The following MAML3 variants were observed in gnomAD, a reference collection of about 807,000 sequenced individuals.
MAML3 encodes mastermind like transcriptional coactivator 3.
In MAML3, 27 loss-of-function variants were observed where a neutral mutation model predicts 101.9. That is an observed-to-expected ratio of 0.27 (90% CI 0.20 to 0.37). The LOEUF (loss-of-function observed/expected upper bound fraction) is 0.37, where lower values mean the gene tolerates loss of function less well. Ranked by LOEUF, MAML3 falls within the 10% of genes least tolerant of loss-of-function variation. The probability of loss-of-function intolerance (pLI) is 1.00; values close to 1 mark genes in which losing one functional copy is unlikely to be tolerated. For missense variants in MAML3, 1,316 were observed against 1,444.9 expected (o/e 0.91, Z 1.45); for synonymous variants, 501 against 555.9 (o/e 0.90, Z 1.39).
intron 2 of MAML3, among the ~76,000 whole-genome samples, chr4:139,766,688 G>T (rs376827352): frequency 6.6e-6 from 1 of 152,154 alleles, no homozygotes; most frequent in African/African-American, 2.4e-5. Flanking sequence ...CTCCAAGTCC[G>T]CCATTTCCTT....
chr4:139,838,800 C>T (rs924392504), intron 2 of MAML3, among the ~76,000 whole-genome samples: 4 of 152,108 alleles, frequency 2.6e-5, no homozygotes, highest in Admixed American at 6.5e-5. Flanking sequence ...CTATAAAACA[C>T]GCACTGCCAC....
rs565990989 is a variant in MAML3, at chr4:139,797,303, G to A, written c.2080-66636C>T. Among the ~76,000 whole-genome samples the A allele has an allele frequency of 2.0e-5, 3 of 152,280 alleles. No homozygotes were observed. The East Asian group carries it at 5.8e-4, about 29-fold the overall frequency. On this transcript the variant is annotated intron_variant, in intron 2 of 4. Transcript: ENST00000509479. ...CCATCTGAGCGAACATGTCAGCAGG[G>A]TCATGCTACATATAGGATGTGGGGT...
intron 2 of MAML3, among the ~76,000 whole-genome samples, chr4:139,758,497 C>T (rs138432277): frequency 6.0e-4 from 92 of 152,300 alleles, no homozygotes; most frequent in African/African-American, 2.1e-3. Flanking sequence ...TCATTTGATA[C>T]CAGACACACA....
intron 2 of MAML3, among the ~76,000 whole-genome samples, chr4:139,767,933 G>T (rs957128983): frequency 6.6e-6 from 1 of 152,206 alleles, no homozygotes; most frequent in South Asian, 2.1e-4. Context: ...GGCCAGAATG[G>T]CATATTATAT....
At chr4:139,954,885 C>T (rs1325954280) in intron 1 of MAML3, among the ~76,000 whole-genome samples, 1 of 150,324 alleles carries the variant, frequency 6.7e-6, no homozygotes, top group Non-Finnish European at 1.5e-5. Context: ...TAAATATATA[C>T]AAAAATAATG....
chr4:139,841,234 G>A (rs1183774163), intron 2 of MAML3, among the ~76,000 whole-genome samples: 2 of 152,184 alleles, frequency 1.3e-5, no homozygotes. Flanking sequence ...AAAAACACAT[G>A]CATTTAACTC....
In MAML3 at chr4:139,746,553, C is replaced by T. The variant is rs561234337; in HGVS notation, c.2080-15886G>A. Among the ~76,000 whole-genome samples, 7 of 152,296 alleles carry T rather than the reference C, an allele frequency of 4.6e-5. No homozygotes were observed. In the South Asian group the frequency reaches 1.2e-3, roughly 27 times the overall value. On this transcript the variant is annotated intron_variant, in intron 2 of 4. Transcript: ENST00000509479. ...AAATGGATTGCTTCACCTATTTGTT[C>T]TGTCTTCTAATCCCAGGGAGGGGCT...
In MAML3 at chr4:139,719,227, CA is replaced by C; in HGVS notation, c.*95del. The C allele has an allele frequency of 4.2e-6, 6 of 1,431,376 alleles. No homozygotes were observed. The highest frequency in any genetic ancestry group is 2.4e-5 in the East Asian group (1 of 40,844). The allele number at this position is 1,431,376 out of a possible 1,614,324, so 88.7% of individuals were successfully genotyped here. On this transcript the variant is annotated 3_prime_UTR_variant, in exon 5 of 5. Coordinates refer to ENST00000509479, the MANE Select transcript of MAML3 (RefSeq NM_018717.5). Reference sequence around the variant, plus strand: ...GCAGTTTTGCTCAGTTTACGTGGGTCAAAAAAACAAAAAACAAGGATGGGTC... The same window carrying C: ...GCAGTTTTGCTCAGTTTACGTGGGTCAAAAAACAAAAAACAAGGATGGGTC...
At chr4:139,955,530 CA>C (rs1247417152) in intron 1 of MAML3, among the ~76,000 whole-genome samples, 2 of 152,148 alleles carry the variant, frequency 1.3e-5, no homozygotes, top group Non-Finnish European at 2.9e-5. Flanking sequence ...ACTCATGTAT[CA>C]AGTGCTACTT....
In MAML3 at chr4:140,145,878, C is replaced by CTTTTTTTTTTTTTTTTT. The variant is rs10625860; in HGVS notation, c.468+6981_468+6982insAAAAAAAAAAAAAAAAA. On this transcript the variant is annotated intron_variant, in intron 1 of 4. Transcript: ENST00000509479. The stretch of plus-strand genomic sequence containing the variant: ...GCGCCTGGCCTTTTTTTTCTTTTTT[C>CTTTTTTTTTTTTTTTTT]TTTTTTTTTTTTGAGAAGGATTTTT... 2.8e-5 allele frequency among the ~76,000 whole-genome samples: 3 copies of CTTTTTTTTTTTTTTTTT among 108,474 alleles called. 1 individual carries two copies. The highest frequency in any genetic ancestry group is 5.3e-5 in the Non-Finnish European group (3 of 57,060). The allele number at this position is 108,474 out of a possible 152,430, so 71.2% of individuals were successfully genotyped here.
chr4:139,879,536 AAAAAGAAAAG>A (rs537880265), intron 2 of MAML3, among the ~76,000 whole-genome samples: 1,514 of 148,586 alleles, frequency 0.01, 34 homozygotes, highest in African/African-American at 0.035. Context: ...AAAAAAAAAA[AAAAAGAAAAG>A]AAAAGAAAAG....
chr4:139,882,854 C>CACAA (rs1320660874), intron 2 of MAML3, among the ~76,000 whole-genome samples: 1 of 152,084 alleles, frequency 6.6e-6, no homozygotes, highest in Non-Finnish European at 1.5e-5. Context: ...GTCTTAAAAA[C>CACAA]ACAAACAAAT....
chr4:139,965,200 GTT>G (rs34595097), intron 1 of MAML3, among the ~76,000 whole-genome samples: 1,697 of 139,258 alleles, frequency 0.012, 36 homozygotes, highest in African/African-American at 0.038. Flanking sequence ...CTCCCTGCTA[GTT>G]TTTTTTTTTT....
At chr4:139,999,552 T>C (rs1734882826) in intron 1 of MAML3, among the ~76,000 whole-genome samples, 1 of 152,326 alleles carries the variant, frequency 6.6e-6, no homozygotes, top group Middle Eastern at 3.4e-3. Flanking sequence ...AGCCTTATAT[T>C]TGCTTTCTTA....
In MAML3 at chr4:139,775,591, T is replaced by C. The variant is rs1253097530; in HGVS notation, c.2080-44924A>G. Among the ~76,000 whole-genome samples the C allele has an allele frequency of 2.0e-5, 3 of 152,076 alleles. No homozygotes were observed. The East Asian group carries it at 5.8e-4, about 29-fold the overall frequency. On this transcript the variant is annotated intron_variant, in intron 2 of 4. Coordinates refer to ENST00000509479, the MANE Select transcript of MAML3 (RefSeq NM_018717.5). ...ATCTCCCAGGTTAAACCATGAGCTG[T>C]GGGCCCGGAAAGGAAAATAGGGGGC...
Position 139,725,832 on chromosome 4 carries a change from A to C in MAML3, c.2335T>G (p.Leu779Val). Residue 779 changes from leucine to valine, a missense_variant, in exon 4 of 5, where the codon TTG (leucine) becomes GTG (valine). Leu to Val is a conservative substitution (Grantham distance 32). Transcript: ENST00000509479. ...QQQQILAEQQ[L>V]QQSHLPRQHL... ...TGCCGGGGTAGATGTGATTGCTGCAACTGCTAGAACAACAGAACACAAGAG... is the reference window on the plus strand; with the variant it reads ...TGCCGGGGTAGATGTGATTGCTGCACCTGCTAGAACAACAGAACACAAGAG... The C allele has an allele frequency of 6.2e-7, 1 of 1,613,810 alleles. No individual in the cohort carries two copies.
At chr4:139,809,224 C>T (rs1730750624) in intron 2 of MAML3, among the ~76,000 whole-genome samples, 2 of 152,190 alleles carry the variant, frequency 1.3e-5, no homozygotes, top group Non-Finnish European at 2.9e-5. Flanking sequence ...TCTACACAGA[C>T]AGCCAGAACT....
intron 1 of MAML3, among the ~76,000 whole-genome samples, chr4:140,092,088 G>GTATA (rs371237469): frequency 0.12 from 9,483 of 75,872 alleles, 477 homozygotes; most frequent in East Asian, 0.29. Context: ...ATATATATAC[G>GTATA]TATATATATA....
At chr4:139,990,658 T>C (rs1734652042) in intron 1 of MAML3, among the ~76,000 whole-genome samples, 1 of 151,964 alleles carries the variant, frequency 6.6e-6, no homozygotes, top group South Asian at 2.1e-4. Flanking sequence ...AACCCCATCG[T>C]CTCAGCCCAA....
Sources: gnomAD v4.1 joint callset for allele counts (sites outside exome capture counted in the v4.1 genomes callset) on GRCh38, gnomAD v4.1.1 for gene constraint, MANE v1.5 for transcripts, NCBI Gene and HGNC (gene_info 2026-07-23, HGNC 2026-07-21) for gene names.